PLEKHB1: variants seen among roughly 807,000 people sequenced by gnomAD.
PLEKHB1 encodes the protein pleckstrin homology domain-containing family B member 1.
Under a neutral mutation model 36.2 loss-of-function variants are expected in PLEKHB1, and 29 were observed. That is an observed-to-expected ratio of 0.80 (90% confidence interval 0.60 to 1.09). PLEKHB1 has a LOEUF of 1.09. Ranked by LOEUF, PLEKHB1 falls within the 50% of genes least tolerant of loss-of-function variation. The probability of loss-of-function intolerance (pLI) is 0.00; values close to 1 mark genes in which losing one functional copy is unlikely to be tolerated. For synonymous variants in PLEKHB1, 138 were observed against 140.0 expected, an observed-to-expected ratio of 0.99 and a Z score of 0.10; for missense variants, 330 against 348.2, an observed-to-expected ratio of 0.95 and a Z score of 0.42.
At chr11:73,655,704 G>C in intron 5 of PLEKHB1, 99 bp from the exon 6 acceptor site, 1 of 1,015,088 alleles carries the variant, frequency 9.9e-7, no homozygotes, top group Non-Finnish European at 1.5e-6. Context: ...GGAGGGCTCT[G>C]GTAGGGTCTG....
Position 73,661,489 on chromosome 11 carries a change from G to A in PLEKHB1, c.619G>A (p.Val207Met), listed in dbSNP as rs752792411. The A allele has an allele frequency of 9.9e-6, 16 of 1,613,730 alleles. No individual in the cohort carries two copies. The African/African-American group carries it at 1.7e-4, about 17-fold the overall frequency. The change falls in exon 8 of 8, where the codon GTG (valine) becomes ATG (methionine). Residue 207 changes from valine to methionine, a missense_variant. Val to Met is a conservative substitution (Grantham distance 21, BLOSUM62 1). Coordinates refer to ENST00000354190, the MANE Select transcript of PLEKHB1 (RefSeq NM_021200.3). The surrounding 1 kb of genome is among the most constrained non-coding windows in gnomAD (Gnocchi z 4.6). ...YAGPGVTHVIVREDPCYSAGA... is the reference protein window; with the variant it reads ...YAGPGVTHVIMREDPCYSAGA... ...AGGCCCTGGCGTGACGCACGTGATA[G>A]TGCGGGAGGATCCCTGCTACAGCGC...
At chr11:73,654,328 T>G (rs1460572526) in intron 5 of PLEKHB1, among the ~76,000 whole-genome samples, 2 of 152,152 alleles carry the variant, frequency 1.3e-5, no homozygotes, top group Non-Finnish European at 2.9e-5. Context: ...TATGGCACAA[T>G]GGAGCCCCCT....
In PLEKHB1 at chr11:73,650,643, A is replaced by T. The variant is rs770679422; in HGVS notation, c.185A>T (p.Glu62Val). Residue 62 changes from glutamate (E) to valine (V), a missense_variant, in exon 3 of 8, where the codon GAG (glutamate) becomes GTG (valine). Coordinates refer to ENST00000354190, the MANE Select transcript of PLEKHB1 (RefSeq NM_021200.3). ...TACCACGATGAGACAGCGCAGGACG[A>T]GGAGGACCGTGTGCTCATCCACTTC... ...GYYHDETAQD[E>V]EDRVLIHFNV... 6 of 1,612,476 alleles carry T rather than the reference A, an allele frequency of 3.7e-6. No individual in the cohort carries two copies. In the East Asian group the frequency reaches 1.1e-4, roughly 30 times the overall value.
chr11:73,646,718 C>G (rs1489116939), intron 1 of PLEKHB1, 92 bp downstream of exon 1: 16 of 1,331,594 alleles, frequency 1.2e-5, no homozygotes, highest in Non-Finnish European at 1.7e-5. Context: ...CTTTTAGGCC[C>G]TGACATCCTC....
chr11:73,652,290 G>C (rs1565329643), intron 4 of PLEKHB1: 2 of 187,724 alleles, frequency 1.1e-5, no homozygotes, highest in Admixed American at 1.1e-4. Flanking sequence ...CCCTGGACCT[G>C]CCTACAAAGG....
At position 73,661,671 on chromosome 11, in the gene PLEKHB1, C is replaced by G. The variant is rs919774807; in HGVS notation, c.*69C>G. ...ACTCCTCTTCCTCCTGGACCCCATC[C>G]TCTACCATCCAAGCCCTGTCCCACT... On this transcript the variant is annotated 3_prime_UTR_variant, in exon 8 of 8. Transcript: ENST00000354190. The surrounding 1 kb of genome is among the most constrained non-coding windows in gnomAD (Gnocchi z 4.6). 11 of 1,503,808 alleles carry G rather than the reference C, an allele frequency of 7.3e-6. No individual in the cohort carries two copies. The African/African-American group carries it at 1.5e-4, about 21-fold the overall frequency. The allele number at this position is 1,503,808 out of a possible 1,614,324, so 93.2% of individuals were successfully genotyped here.
rs758022439 is a variant in PLEKHB1, at chr11:73,661,746, C to G, written c.*144C>G. ...CCTTCCGGGTTTGGACCATTCCCCC[C>G]ACTCCCTACCCTTAATCCCCACATG... On this transcript the variant is annotated 3_prime_UTR_variant, in exon 8 of 8. Transcript: ENST00000354190. This position sits in a 1 kb window ranked among gnomAD's most constrained non-coding sequence, Gnocchi z 4.6. 1.0e-5 allele frequency: 10 copies of G among 1,003,886 alleles called. No homozygotes were observed. In the East Asian group the frequency reaches 1.6e-4, roughly 16 times the overall value. 62.2% of individuals were successfully genotyped at this position (1,003,886 alleles called of 1,614,324 possible).
At chr11:73,653,071 GA>G in intron 5 of PLEKHB1, 57 bp downstream of exon 5, 2 of 1,539,558 alleles carry the variant, frequency 1.3e-6, no homozygotes, top group Non-Finnish European at 1.8e-6. Context: ...ATGGAATCAT[GA>G]GTGACTCAGA....
At chr11:73,653,121 G>A (rs2134810026) in intron 5 of PLEKHB1, 107 bp downstream of exon 5, 1 of 1,205,484 alleles carries the variant, frequency 8.3e-7, no homozygotes. Flanking sequence ...GTCTTATGTG[G>A]ATAGGTTTCT....
chr11:73,659,156 G>A (rs78408271), intron 6 of PLEKHB1, among the ~76,000 whole-genome samples: 1 of 151,832 alleles, frequency 6.6e-6, no homozygotes, highest in Non-Finnish European at 1.5e-5. Flanking sequence ...AACCCGGGAG[G>A]CGGAGGTTGC....
intron 6 of PLEKHB1, among the ~76,000 whole-genome samples, chr11:73,657,133 AC>A (rs1286201454): frequency 6.6e-6 from 1 of 151,664 alleles, no homozygotes; most frequent in Non-Finnish European, 1.5e-5. Flanking sequence ...ACAGAGTAAG[AC>A]TCCATCTCAA....
intron 5 of PLEKHB1, among the ~76,000 whole-genome samples, chr11:73,654,825 G>C (rs776144429): frequency 3.3e-5 from 5 of 152,220 alleles, no homozygotes; most frequent in Admixed American, 2.0e-4. Context: ...GCCAGCTCAT[G>C]ATGGGCCTCA....
intron 1 of PLEKHB1, 154 bp from the exon 2 acceptor site, chr11:73,648,858 G>A: frequency 7.1e-7 from 1 of 1,401,276 alleles, no homozygotes. Flanking sequence ...CTCTTCCTGA[G>A]CAGAGAATGG....
At chr11:73,654,359 G>T (rs115620185) in intron 5 of PLEKHB1, among the ~76,000 whole-genome samples, 73 of 152,326 alleles carry the variant, frequency 4.8e-4, no homozygotes, top group African/African-American at 1.7e-3. Context: ...GAGAAAGTCC[G>T]TTGGGAAGTA....
chr11:73,652,816 G>A, intron 4 of PLEKHB1, 159 bp from the exon 5 acceptor site: 2 of 584,602 alleles, frequency 3.4e-6, no homozygotes, highest in South Asian at 5.0e-5. Flanking sequence ...TGGGGCAGGG[G>A]AGGGGTCACT....
Position 73,651,797 on chromosome 11 carries a change from C to T in PLEKHB1, c.257C>T (p.Pro86Leu). Residue 86 changes from proline (P) to leucine (L), a missense_variant, in exon 4 of 8, where the codon CCC becomes CTC. Physicochemically the swap from Pro to Leu is moderately conservative, Grantham distance 98. Transcript: ENST00000354190. ...GTGTGTCTGCTTCCAGATGTGCAGC[C>T]CCCAGAGGGCCGGAGCCGAGATGGC... is the stretch of plus-strand genomic sequence containing the variant. Reference protein sequence around the residue: ...KIGPECHDVQPPEGRSRDGLL... With the variant: ...KIGPECHDVQLPEGRSRDGLL... 6.2e-7 allele frequency: 1 copy of T among 1,613,470 alleles called. No individual in the cohort carries two copies.
intron 6 of PLEKHB1, 141 bp downstream of exon 6, chr11:73,656,048 G>C (rs1397363276): frequency 2.8e-6 from 2 of 712,364 alleles, no homozygotes; most frequent in East Asian, 2.7e-5. Context: ...CTGCTCTGCT[G>C]TACCCTCTGT....
intron 5 of PLEKHB1, 79 bp from the exon 6 acceptor site, chr11:73,655,724 C>A: frequency 7.9e-7 from 1 of 1,271,258 alleles, no homozygotes; most frequent in Non-Finnish European, 1.1e-6. Context: ...GGAAAGAGCT[C>A]TTGAGTCTCT....
intron 5 of PLEKHB1, among the ~76,000 whole-genome samples, chr11:73,654,054 G>C (rs1298765084): frequency 1.3e-5 from 2 of 152,182 alleles, no homozygotes; most frequent in African/African-American, 2.4e-5. Context: ...AGTCTGGCTG[G>C]TAGGTAGGGA....
Sources: gnomAD v4.1 joint callset for allele counts (sites outside exome capture counted in the v4.1 genomes callset) on GRCh38, gnomAD v4.1.1 for gene constraint, Gnocchi (gnomAD v3.1) non-coding constraint, MANE v1.5 for transcripts, NCBI Gene and HGNC (gene_info 2026-07-23, HGNC 2026-07-21) for gene names.